Variants in CEACAM7 observed in about 807,000 individuals in gnomAD.
The protein encoded by CEACAM7 is CEA cell adhesion molecule 7.
In CEACAM7, 24 loss-of-function variants were observed where a neutral mutation model predicts 25.7. The ratio of observed to expected loss-of-function variants is 0.93; its 90% CI spans 0.68 to 1.31. CEACAM7 has a LOEUF of 1.31. Among genes scored for constraint, CEACAM7 ranks in the 40% most tolerant of loss-of-function variants. The pLI is 0.00. For synonymous variants in CEACAM7, 144 were observed against 129.4 expected (o/e 1.11, Z -0.77); for missense variants, 324 against 330.1 (o/e 0.98, Z 0.14).
intron 3 of CEACAM7, among the ~76,000 whole-genome samples, chr19:41,683,321 T>C (rs1031468109): frequency 1.3e-5 from 2 of 152,184 alleles, no homozygotes; most frequent in Non-Finnish European, 2.9e-5. Flanking sequence ...AGAGGCCACA[T>C]GGATGAAGAG....
chr19:41,676,194 C>A (rs1555810085), intron 4 of CEACAM7, among the ~76,000 whole-genome samples: 1 of 152,198 alleles, frequency 6.6e-6, no homozygotes, highest in African/African-American at 2.4e-5. Flanking sequence ...ATAATAACGC[C>A]TTGGTCCCAC....
chr19:41,686,822 GC>G (rs201948869), intron 2 of CEACAM7, 36 bp downstream of exon 2: 21,631 of 1,513,442 alleles, frequency 0.014, 348 homozygotes, highest in Admixed American at 0.083. Context: ...AGTAGAACTG[GC>G]CCCCAGCACC....
At chr19:41,682,257 A>G (rs782392072) in intron 3 of CEACAM7, among the ~76,000 whole-genome samples, 10 of 151,974 alleles carry the variant, frequency 6.6e-5, no homozygotes, top group South Asian at 4.1e-4. Flanking sequence ...TATATGTAAA[A>G]TGGCTAATAT....
chr19:41,688,169 C>T lies in CEACAM7; in HGVS notation c.-4G>A, dbSNP rs781914388. 1.2e-6 allele frequency: 2 copies of T among 1,609,622 alleles called. No individual in the cohort carries two copies. The highest frequency in any genetic ancestry group is 1.7e-6 in the Non-Finnish European group (2 of 1,177,620). ...GACAGGCTGAAGGGGACCCCATGGT[C>T]TCTGCTGCCTGCTTGTCCTCTGTGG... On this transcript the variant is annotated 5_prime_UTR_variant, in exon 1 of 5. Coordinates refer to ENST00000401731, the MANE Select transcript of CEACAM7 (RefSeq NM_001291485.2).
chr19:41,682,002 A>G (rs2072180537), intron 3 of CEACAM7, among the ~76,000 whole-genome samples: 1 of 152,162 alleles, frequency 6.6e-6, no homozygotes, highest in Non-Finnish European at 1.5e-5. Flanking sequence ...CTGGAATTCA[A>G]TGGCGCAATC....
intron 3 of CEACAM7, among the ~76,000 whole-genome samples, chr19:41,680,413 A>G (rs1437520121): frequency 6.6e-6 from 1 of 152,144 alleles, no homozygotes; most frequent in East Asian, 1.9e-4. Flanking sequence ...AGAAATAGAA[A>G]AATCCTAAAA....
intron 3 of CEACAM7, among the ~76,000 whole-genome samples, chr19:41,680,049 A>AC (rs1181157207): frequency 1.5e-4 from 20 of 133,084 alleles, no homozygotes; most frequent in Middle Eastern, 4.3e-3. Context: ...CGAACTTGTG[A>AC]CCCCAAATGA....
At chr19:41,677,035 G>T (rs1181619986) in intron 4 of CEACAM7, among the ~76,000 whole-genome samples, 1 of 152,212 alleles carries the variant, frequency 6.6e-6, no homozygotes, top group Non-Finnish European at 1.5e-5. Flanking sequence ...GAGAAAAGAA[G>T]TCAAGCAGGA....
In CEACAM7 at chr19:41,674,191, A is replaced by T. The variant is rs578258396; in HGVS notation, c.*585T>A. 1 of 152,366 alleles carries T rather than the reference A, an allele frequency of 6.6e-6. No homozygotes were observed. The highest frequency in any genetic ancestry group is 1.5e-5 in the Non-Finnish European group (1 of 68,026). The allele number at this position is 152,366 out of a possible 1,614,324, so 9.4% of individuals were successfully genotyped here. On this transcript the variant is annotated 3_prime_UTR_variant, in exon 5 of 5. Coordinates refer to ENST00000401731, the MANE Select transcript of CEACAM7 (RefSeq NM_001291485.2). ...CTGGGTTAAATTAAAACAGGGCGTG[A>T]GAACAGGTGAGTCTAGAGGTCTAAC...
rs1444033738 is a variant in CEACAM7, at chr19:41,674,092, G to T, written c.*684C>A. On this transcript the variant is annotated 3_prime_UTR_variant, in exon 5 of 5. Transcript: ENST00000401731. ...CACTGTATTTATTTATGTGCAACAA[G>T]AAGTGTCAGCAACTGCACAAACTCC... 1 of 152,220 alleles carries T rather than the reference G, an allele frequency of 6.6e-6. No individual in the cohort carries two copies. Among genetic ancestry groups the T allele is most frequent in the Non-Finnish European group, 1.5e-5 (1 of 68,044 alleles). The allele number at this position is 152,220 out of a possible 1,614,324, so 9.4% of individuals were successfully genotyped here. A position where few individuals can be genotyped will look rare whatever the true frequency, so the allele number is the denominator to read the frequency against.
rs34340713 is a variant in CEACAM7 at position 41,679,801 on chromosome 19, C to CTTTTTT, written c.707-2304_707-2299dup. Among the ~76,000 whole-genome samples, 79 of 111,886 alleles carry CTTTTTT rather than the reference C, an allele frequency of 7.1e-4. 2 individuals are homozygous for CTTTTTT. The highest frequency in any genetic ancestry group is 2.3e-3 in the African/African-American group (64 of 28,182). The allele number at this position is 111,886 out of a possible 152,430, so 73.4% of individuals were successfully genotyped here. A position where few individuals can be genotyped will look rare whatever the true frequency, so the allele number is the denominator to read the frequency against. On this transcript the variant is annotated intron_variant, in intron 3 of 4. Transcript: ENST00000401731. ...TCTCTGTCTCTTTCTCTCTCTCTCT[C>CTTTTTT]TTTTTTTTTTTTTTTTTTGAGACAG...
Position 41,674,569 on chromosome 19 carries a change from A to G in CEACAM7, c.*207T>C. 1 of 257,120 alleles carries G rather than the reference A, an allele frequency of 3.9e-6. No individual in the cohort carries two copies. The highest frequency in any genetic ancestry group is 7.7e-6 in the Non-Finnish European group (1 of 130,436). The allele number at this position is 257,120 out of a possible 1,614,324, so 15.9% of individuals were successfully genotyped here. On this transcript the variant is annotated 3_prime_UTR_variant, in exon 5 of 5. Coordinates refer to ENST00000401731, the MANE Select transcript of CEACAM7 (RefSeq NM_001291485.2). ...AGTGTCTCTAGTTATGGTGTTGAAC[A>G]TTTTGGTTAGCTCTGAGTGGCCCAC...
chr19:41,683,986 G>C lies in CEACAM7; in HGVS notation c.505C>G (p.Gln169Glu). 6.2e-7 allele frequency: 1 copy of C among 1,614,194 alleles called. No homozygotes were observed. The highest frequency in any genetic ancestry group is 8.5e-7 in the Non-Finnish European group (1 of 1,180,036). The stretch of plus-strand genomic sequence containing the variant: ...TAGGTTGTGTTCTGAGTCTCAGGTT[G>C]ACAGGTTAAAACCACAATATCTTTG... ...ENKDIVVLTC[Q>E]PETQNTTYLW... Residue 169 changes from glutamine (Q) to glutamate (E), a missense_variant, in exon 3 of 5, where the codon CAA becomes GAA. Transcript: ENST00000401731.
In CEACAM7 at chr19:41,688,050, G is replaced by C. The variant is rs2072246404; in HGVS notation, c.64+52C>G. 2.6e-6 allele frequency: 4 copies of C among 1,541,688 alleles called. No individual in the cohort carries two copies. In the African/African-American group the frequency reaches 5.5e-5, roughly 21 times the overall value. On this transcript the variant is annotated intron_variant, in intron 1 of 4. Coordinates refer to ENST00000401731, the MANE Select transcript of CEACAM7 (RefSeq NM_001291485.2). ...GCCCCGTCCTCCCAAGGAGACCCCA[G>C]CCAGTCTCTCTGGCCCTCCTCCCAC...
At position 41,673,367 on chromosome 19, in the gene CEACAM7, T is replaced by C. The variant is rs917129551; in HGVS notation, c.*1409A>G. ...AGGGCAGTTTCCATTCTGCAAAATA[T>C]AGTGATAGCTCCTACTGGGCAATAC... On this transcript the variant is annotated 3_prime_UTR_variant, in exon 5 of 5. Coordinates refer to ENST00000401731, the MANE Select transcript of CEACAM7 (RefSeq NM_001291485.2). The C allele has an allele frequency of 3.3e-5, 5 of 152,234 alleles. No homozygotes were observed. Among genetic ancestry groups the C allele is most frequent in the African/African-American group, 7.2e-5 (3 of 41,452 alleles). 9.4% of individuals were successfully genotyped at this position (152,234 alleles called of 1,614,324 possible).
Position 41,677,511 on chromosome 19 carries a change from G to C in CEACAM7, c.707-8C>G. 4 of 1,604,016 alleles carry C rather than the reference G, an allele frequency of 2.5e-6. No homozygotes were observed. Among genetic ancestry groups the C allele is most frequent in the Non-Finnish European group, 2.6e-6 (3 of 1,171,476 alleles). On this transcript the variant is annotated splice_region_variant and splice_polypyrimidine_tract_variant and intron_variant, in intron 3 of 4. Coordinates refer to ENST00000401731, the MANE Select transcript of CEACAM7 (RefSeq NM_001291485.2). ...TTGCTTGTACTGACTCATCTGCCATGGAAAGAAAAGAGAAGGAATGAAGTT... is the reference window on the plus strand; with the variant it reads ...TTGCTTGTACTGACTCATCTGCCATCGAAAGAAAAGAGAAGGAATGAAGTT...
At chr19:41,676,226 G>A (rs906722142) in intron 4 of CEACAM7, among the ~76,000 whole-genome samples, 3 of 152,160 alleles carry the variant, frequency 2.0e-5, no homozygotes, top group Non-Finnish European at 4.4e-5. Flanking sequence ...AAATCAAAAT[G>A]TATGAGCAGA....
rs1011858471 is a variant in CEACAM7, at chr19:41,677,509, A to G, written c.707-6T>C. The G allele has an allele frequency of 3.7e-6, 6 of 1,607,444 alleles. No individual in the cohort carries two copies. The African/African-American group carries it at 5.3e-5, about 14-fold the overall frequency. On this transcript the variant is annotated splice_region_variant and splice_polypyrimidine_tract_variant and intron_variant, in intron 3 of 4. Coordinates refer to ENST00000401731, the MANE Select transcript of CEACAM7 (RefSeq NM_001291485.2). Reference sequence around the variant, plus strand: ...ACTTGCTTGTACTGACTCATCTGCCATGGAAAGAAAAGAGAAGGAATGAAG... The same window carrying G: ...ACTTGCTTGTACTGACTCATCTGCCGTGGAAAGAAAAGAGAAGGAATGAAG...
chr19:41,682,501 AG>A (rs1283209067), intron 3 of CEACAM7, among the ~76,000 whole-genome samples: 1 of 152,170 alleles, frequency 6.6e-6, no homozygotes, highest in Non-Finnish European at 1.5e-5. Flanking sequence ...AGTCTGCCCC[AG>A]GGCTCCCTCT....
Sources: gnomAD v4.1 joint callset for allele counts (sites outside exome capture counted in the v4.1 genomes callset) on GRCh38, gnomAD v4.1.1 for gene constraint, MANE v1.5 for transcripts, NCBI Gene and HGNC (gene_info 2026-07-23, HGNC 2026-07-21) for gene names.